The following HPSE2 variants were observed in gnomAD, a reference collection of about 807,000 sequenced individuals.
HPSE2 encodes heparanase 2 (inactive), also known as inactive heparanase-2.
In HPSE2, 38 loss-of-function variants were observed where a neutral mutation model predicts 60.5. That is an observed-to-expected ratio of 0.63 (90% CI 0.48 to 0.82). HPSE2 has a LOEUF of 0.82. HPSE2 is among the 40% of genes least tolerant of loss of function. The pLI is 0.00. For missense variants in HPSE2, 713 were observed against 740.4 expected, an observed-to-expected ratio of 0.96 and a Z score of 0.43; for synonymous variants, 295 against 293.2, an observed-to-expected ratio of 1.01 and a Z score of -0.06.
intron 2 of HPSE2, among the ~76,000 whole-genome samples, chr10:99,223,466 GA>G (rs1172563892): frequency 6.6e-6 from 1 of 152,048 alleles, no homozygotes; most frequent in Non-Finnish European, 1.5e-5. Context: ...CAAACCAAGT[GA>G]AAATAAGGTA....
At chr10:98,823,650 G>C (rs1951475251) in intron 3 of HPSE2, among the ~76,000 whole-genome samples, 1 of 151,928 alleles carries the variant, frequency 6.6e-6, no homozygotes, top group African/African-American at 2.4e-5. Flanking sequence ...TAGATAGATA[G>C]AGATAGATAA....
the HPSE2 span, among the ~76,000 whole-genome samples, chr10:99,290,086 T>C: frequency 2.2e-4 from 34 of 152,240 alleles, no homozygotes; most frequent in African/African-American, 7.9e-4. Context: ...TATAAACCTA[T>C]AGATTGTTTA....
At chr10:99,303,364 T>C in the HPSE2 span, among the ~76,000 whole-genome samples, 1 of 151,954 alleles carries the variant, frequency 6.6e-6, no homozygotes, top group Non-Finnish European at 1.5e-5. Flanking sequence ...AAGAGACACA[T>C]AGAATGAGCA....
At chr10:98,713,390 G>C (rs1396529103) in intron 5 of HPSE2, among the ~76,000 whole-genome samples, 1 of 151,968 alleles carries the variant, frequency 6.6e-6, no homozygotes, top group Non-Finnish European at 1.5e-5. Context: ...AAGCAGAGTA[G>C]TAATGAGGGT....
At chr10:98,540,429 G>A (rs78113068) in intron 9 of HPSE2, among the ~76,000 whole-genome samples, 6,988 of 152,256 alleles carry the variant, frequency 0.046, 167 homozygotes, top group South Asian at 0.083. Flanking sequence ...CGTGACCGTC[G>A]TAGGACCCTA....
chr10:98,483,258 T>G (rs1023050350), intron 10 of HPSE2, among the ~76,000 whole-genome samples: 8 of 152,198 alleles, frequency 5.3e-5, no homozygotes, highest in African/African-American at 1.9e-4. Context: ...TTTACATAAC[T>G]GGAATCACAT....
intron 3 of HPSE2, among the ~76,000 whole-genome samples, chr10:99,044,365 A>T (rs1201707356): frequency 6.6e-6 from 1 of 152,224 alleles, no homozygotes; most frequent in Non-Finnish European, 1.5e-5. Flanking sequence ...CATGCTAAAC[A>T]TGGAATCAAA....
intron 3 of HPSE2, among the ~76,000 whole-genome samples, chr10:98,974,412 G>C (rs1956035683): frequency 6.6e-6 from 1 of 152,068 alleles, no homozygotes; most frequent in East Asian, 1.9e-4. Context: ...CTACAGGCAG[G>C]TGTTACCTTA....
At chr10:98,851,817 C>G (rs1002318780) in intron 3 of HPSE2, among the ~76,000 whole-genome samples, 31 of 152,264 alleles carry the variant, frequency 2.0e-4, no homozygotes, top group African/African-American at 7.2e-4. Context: ...ATTCTTTACA[C>G]TACAACTAAG....
intron 3 of HPSE2, among the ~76,000 whole-genome samples, chr10:99,129,674 G>A (rs1345245448): frequency 7.3e-5 from 11 of 151,296 alleles, no homozygotes; most frequent in Admixed American, 2.0e-4. Context: ...ATGCCTACAT[G>A]AAAAAGTCTG....
At position 99,145,400 on chromosome 10, in the gene HPSE2, G is replaced by A. The variant is rs560121649; in HGVS notation, c.449-1001C>T. Reference sequence around the variant, plus strand: ...TGAACCAGGAGGTGGAGGTTGCAGTGAGCCGAGATTGCACCACTGCACTCC... The same window carrying A: ...TGAACCAGGAGGTGGAGGTTGCAGTAAGCCGAGATTGCACCACTGCACTCC... On this transcript the variant is annotated intron_variant, in intron 2 of 11. Coordinates refer to ENST00000370552, the MANE Select transcript of HPSE2 (RefSeq NM_021828.5). Among the ~76,000 whole-genome samples, 14 of 151,644 alleles carry A rather than the reference G, an allele frequency of 9.2e-5. No homozygotes were observed. The South Asian group carries it at 1.0e-3, about 11-fold the overall frequency.
intron 3 of HPSE2, among the ~76,000 whole-genome samples, chr10:98,871,882 A>C (rs1462891232): frequency 6.6e-6 from 1 of 152,186 alleles, no homozygotes; most frequent in Non-Finnish European, 1.5e-5. Context: ...CAGCAATAGA[A>C]GTTGAACCTT....
intron 9 of HPSE2, among the ~76,000 whole-genome samples, chr10:98,570,451 A>T (rs201949968): frequency 1.4e-5 from 2 of 147,694 alleles, no homozygotes; most frequent in Non-Finnish European, 1.5e-5. Flanking sequence ...GTTTTTGTGG[A>T]TTTTTTTTTT....
At chr10:98,496,616 C>G (rs1941849069) in intron 9 of HPSE2, among the ~76,000 whole-genome samples, 1 of 152,226 alleles carries the variant, frequency 6.6e-6, no homozygotes, top group East Asian at 1.9e-4. Context: ...AAATTAACTG[C>G]AATTCACCTT....
chr10:98,965,888 CT>C lies in HPSE2; in HGVS notation c.610+178349del, dbSNP rs376349261. Among the ~76,000 whole-genome samples the C allele has an allele frequency of 9.2e-3, 1,368 of 149,128 alleles. 10 individuals are homozygous for C. The highest frequency in any genetic ancestry group is 0.026 in the South Asian group (123 of 4,682). ...TTCATTCAGTCATTTACAGAAAGTCCTTTTTTTTTTCTTTTTTTTGAGATGG... is the reference window on the plus strand; with the variant it reads ...TTCATTCAGTCATTTACAGAAAGTCCTTTTTTTTTCTTTTTTTTGAGATGG... On this transcript the variant is annotated intron_variant, in intron 3 of 11. Transcript: ENST00000370552.
At chr10:98,886,779 A>T (rs1427426008) in intron 3 of HPSE2, among the ~76,000 whole-genome samples, 1 of 152,160 alleles carries the variant, frequency 6.6e-6, no homozygotes, top group African/African-American at 2.4e-5. Flanking sequence ...AATGTCTTTA[A>T]AGTAGAGTAG....
chr10:98,873,232 G>A (rs1231759614), intron 3 of HPSE2, among the ~76,000 whole-genome samples: 1 of 151,908 alleles, frequency 6.6e-6, no homozygotes, highest in African/African-American at 2.4e-5. Flanking sequence ...ATTTGTATTT[G>A]TTTATTTTTA....
intron 3 of HPSE2, among the ~76,000 whole-genome samples, chr10:98,753,674 G>T (rs1172868858): frequency 6.6e-6 from 1 of 152,160 alleles, no homozygotes; most frequent in Non-Finnish European, 1.5e-5. Context: ...CTTAACCTTG[G>T]GGGCCGGAGG....
At chr10:98,509,866 C>T (rs1240272716) in intron 9 of HPSE2, among the ~76,000 whole-genome samples, 1 of 152,022 alleles carries the variant, frequency 6.6e-6, no homozygotes, top group African/African-American at 2.4e-5. Context: ...AGTGCAGCAA[C>T]AACGGCAGCA....
Sources: gnomAD v4.1 joint callset for allele counts (sites outside exome capture counted in the v4.1 genomes callset) on GRCh38, gnomAD v4.1.1 for gene constraint, MANE v1.5 for transcripts, NCBI Gene and HGNC (gene_info 2026-07-23, HGNC 2026-07-21) for gene names.